OSBPL6: variants seen among roughly 807,000 people sequenced by gnomAD.
OSBPL6 encodes oxysterol binding protein like 6, also known as oxysterol-binding protein-related protein 6.
In OSBPL6, 49 loss-of-function variants were observed where a neutral mutation model predicts 125.8. The ratio of observed to expected loss-of-function variants is 0.39; its 90% confidence interval spans 0.31 to 0.49. OSBPL6 has a LOEUF of 0.49. OSBPL6 is among the 20% of genes least tolerant of loss of function. The pLI, the probability that OSBPL6 is intolerant of heterozygous loss-of-function variation, is 0.88. For missense variants in OSBPL6, 986 were observed against 1,135.4 expected, an observed-to-expected ratio of 0.87 and a Z score of 1.89; for synonymous variants, 394 against 391.8, an observed-to-expected ratio of 1.01 and a Z score of -0.07.
intron 3 of OSBPL6, among the ~76,000 whole-genome samples, chr2:178,318,339 A>G (rs1263928250): frequency 1.3e-5 from 2 of 152,186 alleles, no homozygotes; most frequent in Non-Finnish European, 2.9e-5. Flanking sequence ...AGAATTTCCC[A>G]GGTGTGCTGT....
At chr2:178,394,836 T>C (rs1192457529) in intron 24 of OSBPL6, among the ~76,000 whole-genome samples, 3 of 152,206 alleles carry the variant, frequency 2.0e-5, no homozygotes, top group African/African-American at 7.2e-5. Context: ...TTAGATTTGG[T>C]CTCTCTGTGG....
chr2:178,195,328 C>T (rs544592001), intron 1 of OSBPL6, among the ~76,000 whole-genome samples: 1 of 152,364 alleles, frequency 6.6e-6, no homozygotes, highest in South Asian at 2.1e-4. Flanking sequence ...AGTCTGCCTT[C>T]CCTGGTTCAG....
At chr2:178,343,309 G>T (rs1690389945) in intron 11 of OSBPL6, among the ~76,000 whole-genome samples, 1 of 151,820 alleles carries the variant, frequency 6.6e-6, no homozygotes, top group African/African-American at 2.4e-5. Context: ...GTCGCTTGAG[G>T]CCAGAAGTTC....
At chr2:178,240,706 T>C (rs1433453580) in intron 1 of OSBPL6, among the ~76,000 whole-genome samples, 3 of 152,290 alleles carry the variant, frequency 2.0e-5, no homozygotes, top group African/African-American at 4.8e-5. Flanking sequence ...TGAGCCAAGA[T>C]TGCACCACTG....
intron 1 of OSBPL6, among the ~76,000 whole-genome samples, chr2:178,246,047 T>C (rs1374825555): frequency 6.6e-6 from 1 of 152,144 alleles, no homozygotes; most frequent in East Asian, 1.9e-4. Flanking sequence ...GGCCCTTTCC[T>C]CTCTCACTCC....
chr2:178,328,906 G>A (rs750122447), intron 5 of OSBPL6, among the ~76,000 whole-genome samples: 1 of 152,146 alleles, frequency 6.6e-6, no homozygotes, highest in Non-Finnish European at 1.5e-5. Context: ...ATTTAATCCA[G>A]TTGGTATGTA....
intron 13 of OSBPL6, among the ~76,000 whole-genome samples, chr2:178,371,862 A>T (rs1423131728): frequency 6.6e-6 from 1 of 152,150 alleles, no homozygotes; most frequent in African/African-American, 2.4e-5. Flanking sequence ...AAGGAAAGAA[A>T]ATTTCATGAA....
chr2:178,194,189 G>A (rs548684768), upstream of OSBPL6, among the ~76,000 whole-genome samples: 60 of 152,314 alleles, frequency 3.9e-4, no homozygotes, highest in African/African-American at 1.4e-3. Context: ...GCAACTCGGG[G>A]TTTCCACTGC....
intron 17 of OSBPL6, among the ~76,000 whole-genome samples, chr2:178,383,731 G>T (rs1482767171): frequency 6.6e-6 from 1 of 152,232 alleles, no homozygotes; most frequent in Non-Finnish European, 1.5e-5. Context: ...CTAAGATCAT[G>T]CCTGTGGCAG....
At chr2:178,205,122 GTTTCCTGTA>G (rs1162611976) in intron 1 of OSBPL6, among the ~76,000 whole-genome samples, 1 of 152,152 alleles carries the variant, frequency 6.6e-6, no homozygotes, top group Non-Finnish European at 1.5e-5. Flanking sequence ...TTCAAACCCA[GTTTCCTGTA>G]GCTCCAAAGC....
intron 1 of OSBPL6, among the ~76,000 whole-genome samples, chr2:178,269,183 G>C (rs1246435990): frequency 1.3e-5 from 2 of 152,170 alleles, no homozygotes; most frequent in African/African-American, 4.8e-5. Context: ...AGAGGTATAG[G>C]GCAGGACATG....
intron 1 of OSBPL6, among the ~76,000 whole-genome samples, chr2:178,225,229 T>C (rs1175320672): frequency 6.8e-6 from 1 of 147,746 alleles, no homozygotes; most frequent in South Asian, 2.2e-4. Context: ...CTTGGTCAGG[T>C]GCCCATTACT....
intron 1 of OSBPL6, among the ~76,000 whole-genome samples, chr2:178,207,499 A>G (rs986563285): frequency 6.6e-6 from 1 of 152,194 alleles, no homozygotes; most frequent in African/African-American, 2.4e-5. Context: ...ATATAAGGTA[A>G]TATCTACAAG....
At chr2:178,253,383 T>A (rs1363327497) in intron 1 of OSBPL6, among the ~76,000 whole-genome samples, 2 of 152,202 alleles carry the variant, frequency 1.3e-5, no homozygotes, top group Non-Finnish European at 2.9e-5. Context: ...CAGGAATTGC[T>A]TTTGAAGGAG....
rs368963872 is a variant in OSBPL6 at position 178,382,401 on chromosome 2, A to G, written c.1534-19A>G. ...ACTGAACAAGAATTCTGATCCTTGT[A>G]TGTTCTTCCCTTCCTTAGGCTTCAG... On this transcript the variant is annotated intron_variant, in intron 15 of 24. Coordinates refer to ENST00000190611, the MANE Select transcript of OSBPL6 (RefSeq NM_032523.4). 25 of 1,578,814 alleles carry G rather than the reference A, an allele frequency of 1.6e-5. No homozygotes were observed. Among genetic ancestry groups the G allele is most frequent in the East Asian group, 4.5e-5 (2 of 44,298 alleles).
chr2:178,309,161 T>C (rs553610128), intron 3 of OSBPL6, among the ~76,000 whole-genome samples: 1 of 152,240 alleles, frequency 6.6e-6, no homozygotes, highest in South Asian at 2.1e-4. Context: ...GACCGGCTCA[T>C]ATGACACTCC....
At chr2:178,276,371 G>GTT (rs71023438) in intron 1 of OSBPL6, among the ~76,000 whole-genome samples, 4,647 of 122,728 alleles carry the variant, frequency 0.038, 332 homozygotes, top group African/African-American at 0.14. Flanking sequence ...ATTCTAAATG[G>GTT]TTTTTTTTTT....
chr2:178,284,285 G>A (rs4894005), intron 1 of OSBPL6, among the ~76,000 whole-genome samples: 30,097 of 152,112 alleles, frequency 0.2, 3,245 homozygotes, highest in African/African-American at 0.26. Flanking sequence ...CAGGCATGGT[G>A]GCTCAGCCTG....
intron 2 of OSBPL6, among the ~76,000 whole-genome samples, chr2:178,287,939 G>A (rs1164258631): frequency 6.7e-6 from 1 of 148,216 alleles, no homozygotes; most frequent in East Asian, 2.0e-4. Flanking sequence ...CTTAGGAGCT[G>A]TTGTTGACAT....
Sources: allele counts gnomAD v4.1 joint callset (sites outside exome capture counted in the v4.1 genomes callset), GRCh38; gene constraint gnomAD v4.1.1; transcripts MANE v1.5; gene names NCBI Gene and HGNC (gene_info 2026-07-23, HGNC 2026-07-21).